The following C1orf185 variants were observed in gnomAD, a reference collection of about 807,000 sequenced individuals.
C1orf185 encodes the protein chromosome 1 open reading frame 185.
A neutral mutation model predicts 16.1 loss-of-function variants in C1orf185; 13 were observed. The ratio of observed to expected loss-of-function variants is 0.81; its 90% CI spans 0.53 to 1.28. C1orf185 has a LOEUF of 1.28. Ranked by LOEUF, C1orf185 falls within the 50% of genes most tolerant of loss-of-function variation. The pLI is 0.00. For synonymous variants in C1orf185, 80 were observed against 76.9 expected (o/e 1.04, Z -0.21); for missense variants, 220 against 225.2 (o/e 0.98, Z 0.15).
chr1:51,124,018 T>C (rs571647151), intron 3 of C1orf185, among the ~76,000 whole-genome samples: 5 of 151,694 alleles, frequency 3.3e-5, no homozygotes, highest in Admixed American at 2.0e-4. Context: ...TTATCAGATA[T>C]GTACTTTGCA....
chr1:51,112,582 C>A lies in C1orf185; in HGVS notation c.122+13C>A, dbSNP rs1267661192. ...TTTGCAAACGAAGGTAAGGATTATT[C>A]GAATATTTCTTTAACCTTTTTTTCT... On this transcript the variant is annotated intron_variant, in intron 2 of 4. Transcript: ENST00000371759. The A allele has an allele frequency of 2.0e-6, 3 of 1,509,702 alleles. No homozygotes were observed. Among genetic ancestry groups the A allele is most frequent in the Middle Eastern group, 1.7e-4 (1 of 5,824 alleles). 93.5% of individuals were successfully genotyped at this position (1,509,702 alleles called of 1,614,324 possible).
chr1:51,108,300 T>C (rs992285497), intron 1 of C1orf185, among the ~76,000 whole-genome samples: 4 of 152,172 alleles, frequency 2.6e-5, no homozygotes, highest in African/African-American at 9.7e-5. Flanking sequence ...ATTTTTGGTT[T>C]TTTTTAATTG....
intron 3 of C1orf185, among the ~76,000 whole-genome samples, chr1:51,123,981 TAG>T (rs1330973577): frequency 1.3e-4 from 20 of 149,886 alleles, no homozygotes; most frequent in South Asian, 1.3e-3. Context: ...TATATATATA[TAG>T]AGAGAGAGAG....
At chr1:51,124,580 C>T (rs1382007817) in intron 3 of C1orf185, among the ~76,000 whole-genome samples, 1 of 152,146 alleles carries the variant, frequency 6.6e-6, no homozygotes, top group Non-Finnish European at 1.5e-5. Flanking sequence ...CCTATGGGCT[C>T]TTATCAACTG....
intron 3 of C1orf185, among the ~76,000 whole-genome samples, chr1:51,137,248 C>T (rs914645194): frequency 2.0e-5 from 3 of 151,976 alleles, no homozygotes; most frequent in Admixed American, 1.3e-4. Context: ...ACTAAAAAAT[C>T]AAAGCTAGAC....
intron 3 of C1orf185, among the ~76,000 whole-genome samples, chr1:51,122,058 G>A (rs1335203310): frequency 6.6e-6 from 1 of 151,996 alleles, no homozygotes; most frequent in African/African-American, 2.4e-5. Flanking sequence ...TTTTTGTGCA[G>A]TATTGCATTT....
Position 51,123,934 on chromosome 1 carries a change from CAT to C in C1orf185, c.258+5134_258+5135del, listed in dbSNP as rs1491586193. Among the ~76,000 whole-genome samples the C allele has an allele frequency of 7.1e-3, 1,070 of 151,388 alleles. 7 individuals carry two copies. Among genetic ancestry groups the C allele is most frequent in the African/African-American group, 0.026 (1,056 of 41,226 alleles). On this transcript the variant is annotated intron_variant, in intron 3 of 4. Transcript: ENST00000371759. The stretch of plus-strand genomic sequence containing the variant: ...GTTTAAAATATATATTTTATACACA[CAT>C]GTATATATATACACACACACACACA...
chr1:51,103,209 G>T (rs904258450), intron 1 of C1orf185, among the ~76,000 whole-genome samples: 4 of 151,772 alleles, frequency 2.6e-5, no homozygotes, highest in Admixed American at 6.6e-5. Context: ...AGCTCAAGAC[G>T]AACCTGGGCA....
chr1:51,152,216 A>G (rs1233862988), downstream of C1orf185, among the ~76,000 whole-genome samples: 1 of 152,174 alleles, frequency 6.6e-6, no homozygotes, highest in Non-Finnish European at 1.5e-5. Context: ...CTGGACACTG[A>G]AAAGAACTGG....
chr1:51,124,464 A>C (rs1245007286), intron 3 of C1orf185, among the ~76,000 whole-genome samples: 1 of 152,258 alleles, frequency 6.6e-6, no homozygotes, highest in Non-Finnish European at 1.5e-5. Context: ...AAGCCAGGAA[A>C]GAATTCAAGG....
downstream of C1orf185, among the ~76,000 whole-genome samples, chr1:51,150,552 C>T (rs1160840853): frequency 6.6e-6 from 1 of 152,154 alleles, no homozygotes; most frequent in Non-Finnish European, 1.5e-5. Context: ...AAATCTTACT[C>T]CATATCATAG....
intron 3 of C1orf185, among the ~76,000 whole-genome samples, chr1:51,142,628 TG>T (rs1215263334): frequency 7.2e-5 from 11 of 152,198 alleles, no homozygotes; most frequent in Admixed American, 7.2e-4. Flanking sequence ...TGGTAATTTG[TG>T]CCTTTCAAGG....
intron 3 of C1orf185, among the ~76,000 whole-genome samples, chr1:51,132,822 C>T (rs1425283246): frequency 6.6e-6 from 1 of 151,968 alleles, no homozygotes; most frequent in Non-Finnish European, 1.5e-5. Flanking sequence ...AAAAGTCAGG[C>T]CACCTACAAA....
intron 3 of C1orf185, among the ~76,000 whole-genome samples, chr1:51,124,771 T>G (rs1242764394): frequency 6.6e-6 from 1 of 152,212 alleles, no homozygotes; most frequent in Non-Finnish European, 1.5e-5. Context: ...TGTCTTGTAT[T>G]AATGAGCAAT....
At chr1:51,110,329 T>C (rs1646106795) in intron 1 of C1orf185, among the ~76,000 whole-genome samples, 1 of 152,198 alleles carries the variant, frequency 6.6e-6, no homozygotes, top group Non-Finnish European at 1.5e-5. Flanking sequence ...TTATAACTTA[T>C]TTAATTGATT....
At chr1:51,145,496 T>A (rs1002124163) in intron 3 of C1orf185, among the ~76,000 whole-genome samples, 2 of 152,156 alleles carry the variant, frequency 1.3e-5, no homozygotes, top group Non-Finnish European at 2.9e-5. Flanking sequence ...TGTTATTCCT[T>A]ATTCTGGAGA....
intron 1 of C1orf185, 134 bp downstream of exon 1, chr1:51,102,383 G>T: frequency 4.0e-6 from 2 of 502,524 alleles, no homozygotes; most frequent in Non-Finnish European, 7.2e-6. Context: ...TGAATCATGG[G>T]TATACAGTAG....
intron 3 of C1orf185, among the ~76,000 whole-genome samples, chr1:51,121,566 A>G (rs72892480): frequency 6.6e-6 from 1 of 152,092 alleles, no homozygotes; most frequent in African/African-American, 2.4e-5. Context: ...ACCTCAGCCA[A>G]TTTCAGTACA....
chr1:51,129,959 T>C (rs998439739), intron 3 of C1orf185, among the ~76,000 whole-genome samples: 1 of 152,216 alleles, frequency 6.6e-6, no homozygotes, highest in African/African-American at 2.4e-5. Flanking sequence ...ATTCAGTCGA[T>C]AATAATATCC....
Sources: gnomAD v4.1 joint callset for allele counts (sites outside exome capture counted in the v4.1 genomes callset) on GRCh38, gnomAD v4.1.1 for gene constraint, MANE v1.5 for transcripts, NCBI Gene and HGNC (gene_info 2026-07-23, HGNC 2026-07-21) for gene names.